The following SLC2A13 variants were observed in gnomAD, a reference collection of about 807,000 sequenced individuals.
SLC2A13 encodes the protein solute carrier family 2 member 13.
In SLC2A13, 32 loss-of-function variants were observed where a neutral mutation model predicts 64.4. The ratio of observed to expected loss-of-function variants is 0.50; its 90% CI spans 0.37 to 0.67. The LOEUF (loss-of-function observed/expected upper bound fraction) is 0.67, where lower values mean the gene tolerates loss of function less well. SLC2A13 is among the 30% of genes least tolerant of loss of function. SLC2A13 has a pLI of 0.00. For missense variants in SLC2A13, 743 were observed against 829.2 expected, an observed-to-expected ratio of 0.90 and a Z score of 1.28; for synonymous variants, 338 against 327.1, an observed-to-expected ratio of 1.03 and a Z score of -0.36.
chr12:39,877,779 A>G (rs1481540852), intron 4 of SLC2A13, among the ~76,000 whole-genome samples: 2 of 152,224 alleles, frequency 1.3e-5, no homozygotes, highest in Non-Finnish European at 2.9e-5. Flanking sequence ...TTTATGCAGT[A>G]GTTTGAATTT....
At chr12:40,003,341 G>A (rs1427136282) in intron 3 of SLC2A13, among the ~76,000 whole-genome samples, 1 of 152,152 alleles carries the variant, frequency 6.6e-6, no homozygotes, top group African/African-American at 2.4e-5. Flanking sequence ...TTAATGCAGT[G>A]CTAGCTTATT....
At chr12:40,004,871 G>T (rs1389307004) in intron 3 of SLC2A13, among the ~76,000 whole-genome samples, 1 of 152,102 alleles carries the variant, frequency 6.6e-6, no homozygotes, top group Non-Finnish European at 1.5e-5. Context: ...TCATAAGAGA[G>T]AAAAATATAT....
chr12:39,952,093 T>C (rs1946242149), intron 3 of SLC2A13, among the ~76,000 whole-genome samples: 1 of 152,186 alleles, frequency 6.6e-6, no homozygotes, highest in Non-Finnish European at 1.5e-5. Context: ...GGTCTTTATC[T>C]GAACTCTGGA....
intron 3 of SLC2A13, among the ~76,000 whole-genome samples, chr12:39,977,428 T>G (rs1173885336): frequency 2.6e-5 from 4 of 152,246 alleles, no homozygotes; most frequent in Non-Finnish European, 2.9e-5. Context: ...TTTGTCTCAG[T>G]GTTCACTTTC....
chr12:39,825,007 T>C (rs901244853), intron 7 of SLC2A13, among the ~76,000 whole-genome samples: 5 of 152,134 alleles, frequency 3.3e-5, no homozygotes, highest in Admixed American at 6.5e-5. Flanking sequence ...GGTGAAATGC[T>C]GGGAAAACAG....
At chr12:39,898,502 TC>T (rs35469092) in intron 4 of SLC2A13, among the ~76,000 whole-genome samples, 74,959 of 151,870 alleles carry the variant, frequency 0.49, 19,100 homozygotes, top group Middle Eastern at 0.57. Flanking sequence ...GCCACGCTTT[TC>T]CCCCCTCTAT....
intron 3 of SLC2A13, among the ~76,000 whole-genome samples, chr12:40,008,768 CTAAAA>C (rs1947468030): frequency 6.6e-6 from 1 of 152,142 alleles, no homozygotes; most frequent in African/African-American, 2.4e-5. Context: ...AACAAATGAA[CTAAAA>C]TAACACTATA....
At chr12:39,957,440 C>T (rs1244516752) in intron 3 of SLC2A13, among the ~76,000 whole-genome samples, 1 of 152,148 alleles carries the variant, frequency 6.6e-6, no homozygotes, top group East Asian at 1.9e-4. Flanking sequence ...AACAAACATA[C>T]TCTGTGCTCC....
At chr12:39,966,136 T>C (rs1033397599) in intron 3 of SLC2A13, among the ~76,000 whole-genome samples, 3 of 147,760 alleles carry the variant, frequency 2.0e-5, no homozygotes, top group East Asian at 1.9e-4. Flanking sequence ...TATATATATA[T>C]ATAGAGAGAG....
intron 6 of SLC2A13, among the ~76,000 whole-genome samples, chr12:39,830,752 T>C (rs886202001): frequency 1.3e-5 from 2 of 152,116 alleles, no homozygotes; most frequent in Non-Finnish European, 2.9e-5. Context: ...TAAATAAAAA[T>C]ACTACTACTC....
At chr12:39,805,478 C>T (rs547565366) in intron 7 of SLC2A13, among the ~76,000 whole-genome samples, 2 of 150,474 alleles carry the variant, frequency 1.3e-5, no homozygotes, top group Non-Finnish European at 3.0e-5. Context: ...TTCCAGCCTC[C>T]ATTATACTCT....
intron 3 of SLC2A13, among the ~76,000 whole-genome samples, chr12:40,006,148 AAATT>A (rs1273785355): frequency 6.6e-6 from 1 of 152,246 alleles, no homozygotes; most frequent in African/African-American, 2.4e-5. Context: ...TACAAAATTG[AAATT>A]AATAACGCAG....
chr12:39,881,044 A>T (rs1409886464), intron 4 of SLC2A13, among the ~76,000 whole-genome samples: 1 of 152,248 alleles, frequency 6.6e-6, no homozygotes, highest in Non-Finnish European at 1.5e-5. Flanking sequence ...TATGCCTGTC[A>T]TTGTAATTAT....
At chr12:40,047,416 C>G (rs1040960774) in intron 2 of SLC2A13, among the ~76,000 whole-genome samples, 3 of 152,126 alleles carry the variant, frequency 2.0e-5, no homozygotes, top group Admixed American at 1.3e-4. Context: ...TTCTCTGGAA[C>G]AGTTACATGA....
At chr12:40,006,611 G>C (rs564356977) in intron 3 of SLC2A13, among the ~76,000 whole-genome samples, 1 of 152,208 alleles carries the variant, frequency 6.6e-6, no homozygotes, top group South Asian at 2.1e-4. Flanking sequence ...TCTAAGCAAA[G>C]AAAAAGAGGT....
At chr12:39,963,121 C>A (rs1327085937) in intron 3 of SLC2A13, among the ~76,000 whole-genome samples, 3 of 151,952 alleles carry the variant, frequency 2.0e-5, no homozygotes, top group Non-Finnish European at 4.4e-5. Context: ...CCCGTCTCTA[C>A]TAAAAATACA....
intron 7 of SLC2A13, among the ~76,000 whole-genome samples, chr12:39,774,621 G>A (rs1940708456): frequency 6.8e-6 from 1 of 146,616 alleles, no homozygotes. Flanking sequence ...TTTTCCTGCA[G>A]AAGATTGTCA....
At chr12:40,073,726 C>T (rs1938054299) in intron 1 of SLC2A13, among the ~76,000 whole-genome samples, 1 of 151,906 alleles carries the variant, frequency 6.6e-6, no homozygotes, top group African/African-American at 2.4e-5. Flanking sequence ...CTTGCTAGCA[C>T]TGTTCCTGAG....
intron 3 of SLC2A13, among the ~76,000 whole-genome samples, chr12:39,988,687 GAGGGAGGAAGGAAGGAAGGA>G (rs745900909): frequency 0.095 from 9,564 of 100,668 alleles, 484 homozygotes; most frequent in Middle Eastern, 0.15. Flanking sequence ...AGAAGGGAGG[GAGGGAGGAAGGAAGGAAGGA>G]AGGAAGGAAG....
Sources: gnomAD v4.1 joint callset for allele counts (sites outside exome capture counted in the v4.1 genomes callset) on GRCh38, gnomAD v4.1.1 for gene constraint, MANE v1.5 for transcripts, NCBI Gene and HGNC (gene_info 2026-07-23, HGNC 2026-07-21) for gene names.